Variants in SIAH1 observed in about 807,000 individuals in gnomAD.
SIAH1 encodes siah E3 ubiquitin protein ligase 1.
A neutral mutation model predicts 20.0 loss-of-function variants in SIAH1; 2 were observed. The observed-to-expected ratio is 0.10, with a 90% CI of 0.04 to 0.31. SIAH1 has a LOEUF of 0.31. SIAH1 is among the 10% of genes least tolerant of loss of function. SIAH1 has a pLI of 1.00. For synonymous variants in SIAH1, 118 were observed against 125.3 expected (o/e 0.94, Z 0.39); for missense variants, 119 against 355.3 (o/e 0.33, Z 5.35).
intron 1 of SIAH1, chr16:48,363,185 A>C (rs770365611): frequency 1.8e-5 from 3 of 167,112 alleles, no homozygotes; most frequent in Non-Finnish European, 4.4e-5. Flanking sequence ...CCAATGCCAA[A>C]GAATCAGAGT....
In SIAH1 at chr16:48,360,740, T is replaced by G. The variant is rs1478539171; in HGVS notation, c.*840A>C. The G allele has an allele frequency of 6.6e-6, 1 of 152,614 alleles. No homozygotes were observed. The highest frequency in any genetic ancestry group is 2.1e-4 in the South Asian group (1 of 4,830). 9.5% of individuals were successfully genotyped at this position (152,614 alleles called of 1,614,324 possible). A position where few individuals can be genotyped will look rare whatever the true frequency, so the allele number is the denominator to read the frequency against. On this transcript the variant is annotated 3_prime_UTR_variant, in exon 2 of 2. Coordinates refer to ENST00000394725, the MANE Select transcript of SIAH1 (RefSeq NM_003031.4). Reference sequence around the variant, plus strand: ...CTGAAAAAGGAAACAAAAGCCTGATTTGCAGTATTTATAAAAATCAATTTA... The same window carrying G: ...CTGAAAAAGGAAACAAAAGCCTGATGTGCAGTATTTATAAAAATCAATTTA...
chr16:48,381,755 G>A (rs1398361818), intron 1 of SIAH1, among the ~76,000 whole-genome samples: 1 of 152,130 alleles, frequency 6.6e-6, no homozygotes, highest in East Asian at 1.9e-4. Context: ...GGGGGTGTGG[G>A]GACAAATAGG....
chr16:48,385,647 A>G (rs12917639), upstream of SIAH1, among the ~76,000 whole-genome samples: 4 of 152,022 alleles, frequency 2.6e-5, no homozygotes, highest in Middle Eastern at 3.4e-3. Flanking sequence ...CGCGCATTCA[A>G]CGGATCCTGG....
intron 1 of SIAH1, chr16:48,365,872 G>C (rs1413568493): frequency 1.6e-6 from 2 of 1,242,894 alleles, no homozygotes; most frequent in Non-Finnish European, 2.0e-6. Context: ...CCCTGAGCCA[G>C]CTCAAGAGTT....
chr16:48,375,792 T>C (rs1961094534), intron 1 of SIAH1, among the ~76,000 whole-genome samples: 2 of 152,314 alleles, frequency 1.3e-5, no homozygotes, highest in South Asian at 2.1e-4. Flanking sequence ...TGCATGTATG[T>C]AGCATGTAAT....
At chr16:48,375,427 G>A (rs367674912) in intron 1 of SIAH1, among the ~76,000 whole-genome samples, 2 of 152,198 alleles carry the variant, frequency 1.3e-5, no homozygotes, top group African/African-American at 4.8e-5. Flanking sequence ...ATCACTTGAG[G>A]TCAGGAGTTG....
chr16:48,380,940 AAAAAAG>A (rs1165190506), intron 1 of SIAH1, among the ~76,000 whole-genome samples: 1 of 149,880 alleles, frequency 6.7e-6, no homozygotes, highest in Non-Finnish European at 1.5e-5. Context: ...AAAAAAAAAA[AAAAAAG>A]AACGGCTAAA....
Position 48,361,725 on chromosome 16 carries a change from G to C in SIAH1, c.704C>G (p.Thr235Ser). The C allele has an allele frequency of 6.2e-7, 1 of 1,614,170 alleles. No individual in the cohort carries two copies. The highest frequency in any genetic ancestry group is 8.5e-7 in the Non-Finnish European group (1 of 1,180,018). Residue 235 changes from threonine to serine, a missense_variant, in exon 2 of 2, where the codon ACT becomes AGT. Physicochemically the swap from Thr to Ser is moderately conservative, Grantham distance 58 (BLOSUM62 1). Around this residue, in one of 2 missense-constraint regions of SIAH1, gnomAD observed 84 missense variants for 307.8 expected, o/e 0.27. Transcript: ENST00000394725. ...LELNGHRRRL[T>S]WEATPRSIHE... ...AATAGATCGAGGAGTCGCTTCCCAA[G>C]TCAATCGTCGCCTATGACCATTTAG...
chr16:48,366,027 G>A, intron 1 of SIAH1: 1 of 550,742 alleles, frequency 1.8e-6, no homozygotes, highest in Non-Finnish European at 2.4e-6. Flanking sequence ...GCTCGCGCAA[G>A]GGTGGGGCCG....
chr16:48,384,047 G>A (rs1196046757), intron 1 of SIAH1, among the ~76,000 whole-genome samples: 3 of 152,240 alleles, frequency 2.0e-5, no homozygotes, highest in Non-Finnish European at 4.4e-5. Context: ...GAAGCACAGA[G>A]AAGTATCTGC....
chr16:48,363,449 C>CA (rs761830452), intron 1 of SIAH1: 1 of 167,054 alleles, frequency 6.0e-6, no homozygotes, highest in Non-Finnish European at 1.5e-5. Flanking sequence ...AATAAAAACA[C>CA]AACTAAGGTG....
intron 1 of SIAH1, among the ~76,000 whole-genome samples, chr16:48,381,102 T>G (rs888221220): frequency 6.6e-6 from 1 of 151,962 alleles, no homozygotes; most frequent in Non-Finnish European, 1.5e-5. Flanking sequence ...CTCTTCACTT[T>G]GGGAGGCTAA....
intron 1 of SIAH1, among the ~76,000 whole-genome samples, chr16:48,380,385 G>A (rs751129597): frequency 6.6e-6 from 1 of 151,996 alleles, no homozygotes; most frequent in African/African-American, 2.4e-5. Flanking sequence ...CCTGGGAGGC[G>A]GAGGTTGCAG....
intron 1 of SIAH1, among the ~76,000 whole-genome samples, chr16:48,368,670 C>T (rs75736976): frequency 0.016 from 2,489 of 152,046 alleles, 28 homozygotes; most frequent in Non-Finnish European, 0.029. Flanking sequence ...ACCCAGGAGG[C>T]GGAGGCTGCA....
At chr16:48,366,160 A>ATT (rs1233379261) in intron 1 of SIAH1, among the ~76,000 whole-genome samples, 4 of 152,128 alleles carry the variant, frequency 2.6e-5, no homozygotes, top group Non-Finnish European at 5.9e-5. Context: ...CCAGTTTAAA[A>ATT]TTAGGTGGAA....
intron 1 of SIAH1, among the ~76,000 whole-genome samples, chr16:48,378,855 G>A (rs981898985): frequency 2.6e-5 from 4 of 152,170 alleles, no homozygotes; most frequent in Admixed American, 2.0e-4. Context: ...CATCTAAGAT[G>A]TACTCCTTCC....
At chr16:48,365,500 G>A (rs1011628931) in intron 1 of SIAH1, 2 of 1,608,516 alleles carry the variant, frequency 1.2e-6, no homozygotes, top group Non-Finnish European at 8.5e-7. Flanking sequence ...CACGCATTGC[G>A]TTTCCCCCAA....
chr16:48,380,928 C>CAAAAAAATAAAAAAA (rs1961263812), intron 1 of SIAH1, among the ~76,000 whole-genome samples: 1 of 44,956 alleles, frequency 2.2e-5, no homozygotes. Context: ...GACTCCGTCT[C>CAAAAAAATAAAAAAA]AAAAAAAAAA....
At chr16:48,384,668 C>T (rs1209926736) in intron 1 of SIAH1, among the ~76,000 whole-genome samples, 1 of 146,406 alleles carries the variant, frequency 6.8e-6, no homozygotes, top group Non-Finnish European at 1.5e-5. Flanking sequence ...GGGCAGAGAG[C>T]GGAGGCCGAG....
Sources: allele counts gnomAD v4.1 joint callset (sites outside exome capture counted in the v4.1 genomes callset), GRCh38; gene constraint gnomAD v4.1.1; regional missense constraint gnomAD v4.1.1; transcripts MANE v1.5; gene names NCBI Gene and HGNC (gene_info 2026-07-23, HGNC 2026-07-21).